OR2G6: variants seen among roughly 807,000 people sequenced by gnomAD.
OR2G6 encodes the protein olfactory receptor family 2 subfamily G member 6.
For missense variants in OR2G6, 457 were observed against 391.3 expected (o/e 1.17, Z -1.42); for synonymous variants, 183 against 155.2 (o/e 1.18, Z -1.33).
rs1395285249 is a variant in OR2G6 at position 248,525,724 on chromosome 1, A to T, written c.*3127A>T. The T allele has an allele frequency of 1.3e-5, 2 of 151,040 alleles. No individual in the cohort carries two copies. The highest frequency in any genetic ancestry group is 2.9e-5 in the Non-Finnish European group (2 of 68,006). 9.4% of individuals were successfully genotyped at this position (151,040 alleles called of 1,614,324 possible). A position where few individuals can be genotyped will look rare whatever the true frequency, so the allele number is the denominator to read the frequency against. ...CAAGATCAAATTCACACATAAAAAT[A>T]TTAATCTTAGGCAGGGCACAGTGGC... is the stretch of plus-strand genomic sequence containing the variant. On this transcript the variant is annotated 3_prime_UTR_variant, in exon 2 of 2. Coordinates refer to ENST00000641804, the MANE Select transcript of OR2G6 (RefSeq NM_001013355.2).
At position 248,522,036 on chromosome 1, in the gene OR2G6, G is replaced by A. The variant is rs774468659; in HGVS notation, c.390G>A (p.Leu130=). Residue 130 remains leucine (L), a synonymous_variant, in exon 2 of 2, where the codon CTG becomes CTA. Transcript: ENST00000641804. ...YDRYAAVCRP[L]RYIAIMHPRF... Reference sequence around the variant, plus strand: ...GCTATGCTGCTGTCTGCCGGCCACTGCGCTACATAGCCATTATGCACCCCA... The same window carrying A: ...GCTATGCTGCTGTCTGCCGGCCACTACGCTACATAGCCATTATGCACCCCA... 3 of 1,614,022 alleles carry A rather than the reference G, an allele frequency of 1.9e-6. No individual in the cohort carries two copies. The highest frequency in any genetic ancestry group is 2.7e-5 in the African/African-American group (2 of 74,900).
chr1:248,521,040 T>TA (rs56891856), intron 1 of OR2G6, among the ~76,000 whole-genome samples: 44,072 of 83,256 alleles, frequency 0.53, 12,766 homozygotes, highest in Non-Finnish European at 0.64. Flanking sequence ...AGATTCCATC[T>TA]AAAAAAAAAA....
At position 248,525,451 on chromosome 1, in the gene OR2G6, A is replaced by T. The variant is rs1385327684; in HGVS notation, c.*2854A>T. Reference sequence around the variant, plus strand: ...ACACCATGAATTTTTTTTAAAAGATATTTTTAAGAAAAAATAAAATGATTT... The same window carrying T: ...ACACCATGAATTTTTTTTAAAAGATTTTTTTAAGAAAAAATAAAATGATTT... On this transcript the variant is annotated 3_prime_UTR_variant, in exon 2 of 2. Transcript: ENST00000641804. 2.1e-5 allele frequency: 3 copies of T among 146,134 alleles called. No homozygotes were observed. Among genetic ancestry groups the T allele is most frequent in the African/African-American group, 8.0e-5 (3 of 37,588 alleles). 9.1% of individuals were successfully genotyped at this position (146,134 alleles called of 1,614,324 possible). A position where few individuals can be genotyped will look rare whatever the true frequency, so the allele number is the denominator to read the frequency against.
rs1489603406 is a variant in OR2G6, at chr1:248,527,068, T to C, written c.*4471T>C. 2.6e-5 allele frequency: 4 copies of C among 152,240 alleles called. No homozygotes were observed. The highest frequency in any genetic ancestry group is 2.9e-5 in the Non-Finnish European group (2 of 68,066). The allele number at this position is 152,240 out of a possible 1,614,324, so 9.4% of individuals were successfully genotyped here. On this transcript the variant is annotated 3_prime_UTR_variant, in exon 2 of 2. Coordinates refer to ENST00000641804, the MANE Select transcript of OR2G6 (RefSeq NM_001013355.2). ...GTTTTAGACATGAAGTCCTTATCCA[T>C]GCCTATGTCCTGAATGGAATTGCCT...
At position 248,523,557 on chromosome 1, in the gene OR2G6, G is replaced by A. The variant is rs183285486; in HGVS notation, c.*960G>A. On this transcript the variant is annotated 3_prime_UTR_variant, in exon 2 of 2. Coordinates refer to ENST00000641804, the MANE Select transcript of OR2G6 (RefSeq NM_001013355.2). ...ATATGAATCCCACACACTGTCTCAC[G>A]TTAACGATCATAGTTATATGTTTGG... The A allele has an allele frequency of 7.2e-5, 11 of 152,200 alleles. No homozygotes were observed. Among genetic ancestry groups the A allele is most frequent in the African/African-American group, 1.2e-4 (5 of 41,534 alleles). 9.4% of individuals were successfully genotyped at this position (152,200 alleles called of 1,614,324 possible).
Position 248,527,063 on chromosome 1 carries a change from A to G in OR2G6, c.*4466A>G, listed in dbSNP as rs1572070569. On this transcript the variant is annotated 3_prime_UTR_variant, in exon 2 of 2. Transcript: ENST00000641804. ...TTGGTGTTTTAGACATGAAGTCCTTATCCATGCCTATGTCCTGAATGGAAT... is the reference window on the plus strand; with the variant it reads ...TTGGTGTTTTAGACATGAAGTCCTTGTCCATGCCTATGTCCTGAATGGAAT... The G allele has an allele frequency of 6.6e-6, 1 of 152,094 alleles. No homozygotes were observed. The highest frequency in any genetic ancestry group is 2.1e-4 in the South Asian group (1 of 4,828). The allele number at this position is 152,094 out of a possible 1,614,324, so 9.4% of individuals were successfully genotyped here.
At position 248,522,199 on chromosome 1, in the gene OR2G6, A is replaced by G. The variant is rs767331567; in HGVS notation, c.553A>G (p.Ile185Val). The change falls in exon 2 of 2, where the codon ATC becomes GTC. Residue 185 changes from isoleucine to valine, a missense_variant. Ile to Val is a conservative substitution (Grantham distance 29). Coordinates refer to ENST00000641804, the MANE Select transcript of OR2G6 (RefSeq NM_001013355.2). ...TATTTTCTGTGAGGTGCCAGTGCTC[A>G]TCAAACTGGCCTGTGTGGATACGAC... is the stretch of plus-strand genomic sequence containing the variant. ...DHIFCEVPVL[I>V]KLACVDTTFN... is the part of the protein sequence containing the mutation. 1.2e-6 allele frequency: 2 copies of G among 1,614,130 alleles called. No individual in the cohort carries two copies. Among genetic ancestry groups the G allele is most frequent in the East Asian group, 2.2e-5 (1 of 44,872 alleles).
At chr1:248,510,491 T>TC (rs1388571276) in intron 1 of OR2G6, among the ~76,000 whole-genome samples, 5 of 72,010 alleles carry the variant, frequency 6.9e-5, no homozygotes, top group African/African-American at 3.0e-4. Flanking sequence ...TGTTAGGCTT[T>TC]CAGCACACAG....
In OR2G6 at chr1:248,523,870, A is replaced by G. The variant is rs925458563; in HGVS notation, c.*1273A>G. The G allele has an allele frequency of 1.3e-5, 2 of 152,250 alleles. No individual in the cohort carries two copies. Among genetic ancestry groups the G allele is most frequent in the Middle Eastern group, 3.2e-3 (1 of 316 alleles). 9.4% of individuals were successfully genotyped at this position (152,250 alleles called of 1,614,324 possible). A position where few individuals can be genotyped will look rare whatever the true frequency, so the allele number is the denominator to read the frequency against. On this transcript the variant is annotated 3_prime_UTR_variant, in exon 2 of 2. Transcript: ENST00000641804. Reference sequence around the variant, plus strand: ...ATGATACACATGAAAAAAGCATGAAAACATCAATGCAAATGAAGAGTAAAA... The same window carrying G: ...ATGATACACATGAAAAAAGCATGAAGACATCAATGCAAATGAAGAGTAAAA...
rs1379218270 is a variant in OR2G6, at chr1:248,521,955, G to A, written c.309G>A (p.Val103=). 1 of 1,614,170 alleles carries A rather than the reference G, an allele frequency of 6.2e-7. No individual in the cohort carries two copies. The highest frequency in any genetic ancestry group is 1.1e-5 in the South Asian group (1 of 91,082). The change falls in exon 2 of 2, where the codon GTG becomes GTA. Residue 103 remains valine, a synonymous_variant. Coordinates refer to ENST00000641804, the MANE Select transcript of OR2G6 (RefSeq NM_001013355.2). ...GTGGCTGTGTGGCCCAGCTCTATGT[G>A]GCCATGGGGTTGGGCTCGTCTGAGT... ...SYGGCVAQLY[V]AMGLGSSECI...
In OR2G6 at chr1:248,521,828, T is replaced by G. The variant is rs770443623; in HGVS notation, c.182T>G (p.Phe61Cys). Reference protein sequence around the residue: ...LDSRLHTPMYFFLSNLSCVDI... With the variant: ...LDSRLHTPMYCFLSNLSCVDI... ...TCCAGACTCCACACTCCAATGTACT[T>G]CTTCCTCAGCAACCTCTCGTGTGTG... Residue 61 changes from phenylalanine (F) to cysteine (C), a missense_variant, in exon 2 of 2, where the codon TTC (phenylalanine) becomes TGC (cysteine). Transcript: ENST00000641804. The G allele has an allele frequency of 1.1e-5, 17 of 1,614,174 alleles. No individual in the cohort carries two copies. Among genetic ancestry groups the G allele is most frequent in the Non-Finnish European group, 1.4e-5 (16 of 1,180,034 alleles).
rs1165218217 is a variant in OR2G6, at chr1:248,525,934, C to T, written c.*3337C>T. 1 of 149,038 alleles carries T rather than the reference C, an allele frequency of 6.7e-6. No individual in the cohort carries two copies. Among genetic ancestry groups the T allele is most frequent in the Non-Finnish European group, 1.5e-5 (1 of 68,076 alleles). 9.2% of individuals were successfully genotyped at this position (149,038 alleles called of 1,614,324 possible). On this transcript the variant is annotated 3_prime_UTR_variant, in exon 2 of 2. Coordinates refer to ENST00000641804, the MANE Select transcript of OR2G6 (RefSeq NM_001013355.2). ...TCAGGAGGCTGAGGCAGGAGAATTG[C>T]TTGAACCTAGGAGGCAGAGGTTGCA... is the stretch of plus-strand genomic sequence containing the variant.
Position 248,521,598 on chromosome 1 carries a change from A to G in OR2G6, c.-36-13A>G. 1.5e-6 allele frequency: 2 copies of G among 1,327,586 alleles called. No individual in the cohort carries two copies. Among genetic ancestry groups the G allele is most frequent in the Non-Finnish European group, 1.1e-6 (1 of 943,500 alleles). The allele number at this position is 1,327,586 out of a possible 1,614,324, so 82.2% of individuals were successfully genotyped here. A position where few individuals can be genotyped will look rare whatever the true frequency, so the allele number is the denominator to read the frequency against. ...ACCTCATTACTTTCTATCCCCAAATATTAATCACTTAGTATTTGAAGCTGA... is the reference window on the plus strand; with the variant it reads ...ACCTCATTACTTTCTATCCCCAAATGTTAATCACTTAGTATTTGAAGCTGA... On this transcript the variant is annotated splice_polypyrimidine_tract_variant and intron_variant, in intron 1 of 1. Transcript: ENST00000641804.
Position 248,526,548 on chromosome 1 carries a change from T to G in OR2G6, c.*3951T>G, listed in dbSNP as rs1458043276. The G allele has an allele frequency of 6.6e-6, 1 of 152,330 alleles. No homozygotes were observed. Among genetic ancestry groups the G allele is most frequent in the African/African-American group, 2.4e-5 (1 of 41,572 alleles). The allele number at this position is 152,330 out of a possible 1,614,324, so 9.4% of individuals were successfully genotyped here. A position where few individuals can be genotyped will look rare whatever the true frequency, so the allele number is the denominator to read the frequency against. On this transcript the variant is annotated 3_prime_UTR_variant, in exon 2 of 2. Coordinates refer to ENST00000641804, the MANE Select transcript of OR2G6 (RefSeq NM_001013355.2). ...CTCATGATTTTTACCTTCAGGAGTC[T>G]CAACAGCTTCTCACTGTGCAAAGTA...
intron 1 of OR2G6, among the ~76,000 whole-genome samples, chr1:248,520,682 A>G (rs369393634): frequency 3.3e-5 from 5 of 151,742 alleles, no homozygotes; most frequent in East Asian, 1.9e-4. Flanking sequence ...AGAGCACCCT[A>G]GCCAACATGG....
rs1198194989 is a variant in OR2G6, at chr1:248,523,481, TAAACTCTGG to T, written c.*888_*896del. On this transcript the variant is annotated 3_prime_UTR_variant, in exon 2 of 2. Transcript: ENST00000641804. ...TAAAATAAGTTATTGTTTTTGGCCT[TAAACTCTGG>T]AAAACAGTTACTTATGTAATTTTAT... 5.3e-5 allele frequency: 8 copies of T among 151,958 alleles called. No homozygotes were observed. The highest frequency in any genetic ancestry group is 1.9e-4 in the African/African-American group (8 of 41,184). 9.4% of individuals were successfully genotyped at this position (151,958 alleles called of 1,614,324 possible). A position where few individuals can be genotyped will look rare whatever the true frequency, so the allele number is the denominator to read the frequency against.
chr1:248,520,821 C>A (rs1290907848), intron 1 of OR2G6, among the ~76,000 whole-genome samples: 2 of 150,050 alleles, frequency 1.3e-5, no homozygotes, highest in South Asian at 4.2e-4. Flanking sequence ...CCAGCCTGGC[C>A]AACATGGTGA....
In OR2G6 at chr1:248,523,372, G is replaced by T. The variant is rs1042206492; in HGVS notation, c.*775G>T. On this transcript the variant is annotated 3_prime_UTR_variant, in exon 2 of 2. Coordinates refer to ENST00000641804, the MANE Select transcript of OR2G6 (RefSeq NM_001013355.2). ...ATATTTTATTAAAGGAATCAAATAA[G>T]CAAACTTGAATTAAGGAGATTGATT... 6.6e-6 allele frequency: 1 copy of T among 152,102 alleles called. No homozygotes were observed. The highest frequency in any genetic ancestry group is 2.4e-5 in the African/African-American group (1 of 41,414). 9.4% of individuals were successfully genotyped at this position (152,102 alleles called of 1,614,324 possible). A position where few individuals can be genotyped will look rare whatever the true frequency, so the allele number is the denominator to read the frequency against.
rs1476281031 is a variant in OR2G6 at position 248,526,037 on chromosome 1, G to A, written c.*3440G>A. Reference sequence around the variant, plus strand: ...CATCTCAAAAAAAAAAGAAAAAAATGTATATGTTATCACTTTGGTCTCATT... The same window carrying A: ...CATCTCAAAAAAAAAAGAAAAAAATATATATGTTATCACTTTGGTCTCATT... On this transcript the variant is annotated 3_prime_UTR_variant, in exon 2 of 2. Transcript: ENST00000641804. 3 of 151,416 alleles carry A rather than the reference G, an allele frequency of 2.0e-5. No individual in the cohort carries two copies. Among genetic ancestry groups the A allele is most frequent in the Non-Finnish European group, 2.9e-5 (2 of 67,840 alleles). 9.4% of individuals were successfully genotyped at this position (151,416 alleles called of 1,614,324 possible).
Sources: gnomAD v4.1 joint callset for allele counts (sites outside exome capture counted in the v4.1 genomes callset) on GRCh38, gnomAD v4.1.1 for gene constraint, MANE v1.5 for transcripts, NCBI Gene and HGNC (gene_info 2026-07-23, HGNC 2026-07-21) for gene names.